The following ZNF516 variants were observed in gnomAD, a reference collection of about 807,000 sequenced individuals.
ZNF516 encodes zinc finger protein 516.
In ZNF516, 19 loss-of-function variants were observed where a neutral mutation model predicts 79.7. That is an observed-to-expected ratio of 0.24 (90% confidence interval 0.17 to 0.35). The LOEUF (loss-of-function observed/expected upper bound fraction) is 0.35. Among genes scored for constraint, ZNF516 ranks in the 10% least tolerant of loss-of-function variants. The probability of loss-of-function intolerance (pLI) is 1.00; values close to 1 mark genes in which losing one functional copy is unlikely to be tolerated. For missense variants in ZNF516, 1,678 were observed against 1,679.5 expected (o/e 1.00, Z 0.02); for synonymous variants, 877 against 739.5 (o/e 1.19, Z -3.02).
chr18:76,435,493 C>T (rs939929272), intron 3 of ZNF516, among the ~76,000 whole-genome samples: 1 of 152,214 alleles, frequency 6.6e-6, no homozygotes, highest in African/African-American at 2.4e-5. Context: ...GCCCTGTGAA[C>T]AATCACCGTC....
chr18:76,395,542 G>A (rs910701238), intron 3 of ZNF516, among the ~76,000 whole-genome samples: 4 of 152,078 alleles, frequency 2.6e-5, no homozygotes, highest in East Asian at 1.9e-4. Context: ...GAACAGTAAC[G>A]TTAAGCACAG....
At chr18:76,402,538 T>C (rs896746300) in intron 3 of ZNF516, among the ~76,000 whole-genome samples, 3 of 152,186 alleles carry the variant, frequency 2.0e-5, no homozygotes, top group Admixed American at 6.5e-5. Flanking sequence ...CCAGGCTGTC[T>C]GAGGCCCCTG....
intron 3 of ZNF516, among the ~76,000 whole-genome samples, chr18:76,396,550 T>C (rs1206867330): frequency 1.3e-5 from 2 of 152,146 alleles, no homozygotes; most frequent in Admixed American, 6.5e-5. Flanking sequence ...TCATCAACAG[T>C]GTTGCTCAGA....
intron 3 of ZNF516, among the ~76,000 whole-genome samples, chr18:76,394,756 TGGTCAGGTGGG>T: frequency 2.0e-4 from 1 of 5,070 alleles, no homozygotes; most frequent in Admixed American, 3.4e-3. Flanking sequence ...GGAGGGCAGG[TGGTCAGGTGGG>T]GGGAAGGCAG....
At chr18:76,434,272 C>T (rs998599156) in intron 3 of ZNF516, among the ~76,000 whole-genome samples, 1 of 152,142 alleles carries the variant, frequency 6.6e-6, no homozygotes, top group Non-Finnish European at 1.5e-5. Context: ...CCTGGGAGGA[C>T]CGAGCGCCAC....
chr18:76,407,024 T>A (rs2075313025), intron 3 of ZNF516, among the ~76,000 whole-genome samples: 1 of 152,190 alleles, frequency 6.6e-6, no homozygotes, highest in Non-Finnish European at 1.5e-5. Context: ...CCAGACAGAA[T>A]CCAGGTTCTC....
intron 3 of ZNF516, among the ~76,000 whole-genome samples, chr18:76,431,250 GACAC>G (rs71991368): frequency 1.5e-4 from 22 of 150,392 alleles, no homozygotes; most frequent in Non-Finnish European, 2.5e-4. Context: ...CAGAGACGAG[GACAC>G]ACACACACAC....
intron 6 of ZNF516, among the ~76,000 whole-genome samples, chr18:76,368,220 T>G (rs762458209): frequency 2.0e-5 from 3 of 152,186 alleles, no homozygotes; most frequent in Non-Finnish European, 2.9e-5. Flanking sequence ...CCCTAGGATT[T>G]AAACCTCTAC....
At chr18:76,458,722 T>TG (rs1156888901) in intron 2 of ZNF516, among the ~76,000 whole-genome samples, 1 of 138,366 alleles carries the variant, frequency 7.2e-6, no homozygotes, top group Non-Finnish European at 1.5e-5. Context: ...GTCGTGCGTG[T>TG]GCATGCCTGT....
At chr18:76,488,855 C>T (rs1555721950) in intron 1 of ZNF516, among the ~76,000 whole-genome samples, 1 of 152,164 alleles carries the variant, frequency 6.6e-6, no homozygotes, top group Non-Finnish European at 1.5e-5. Flanking sequence ...AATAGCAATG[C>T]CTTCTTCAGT....
rs190500913 is a variant in ZNF516 at position 76,485,018 on chromosome 18, T to G, written c.-272+10126A>C. Among the ~76,000 whole-genome samples, 271 of 149,914 alleles carry G rather than the reference T, an allele frequency of 1.8e-3. 3 individuals are homozygous for G. The highest frequency in any genetic ancestry group is 6.1e-3 in the African/African-American group (251 of 41,026). ...AGTTTACGTTGCTACGGCAAGCACT[T>G]TTACATTAGGAATTCACTTATTTAT... On this transcript the variant is annotated intron_variant, in intron 1 of 6. Transcript: ENST00000443185.
intron 2 of ZNF516, among the ~76,000 whole-genome samples, chr18:76,460,505 A>G (rs1913033708): frequency 6.6e-6 from 1 of 152,190 alleles, no homozygotes; most frequent in Non-Finnish European, 1.5e-5. Context: ...GCCATCACCT[A>G]TGAACCTCTA....
chr18:76,479,517 G>A (rs7237455), intron 1 of ZNF516, among the ~76,000 whole-genome samples: 4,552 of 152,274 alleles, frequency 0.03, 222 homozygotes, highest in African/African-American at 0.1. Context: ...GGGGCAGGCT[G>A]GCTTCCCCTT....
intron 3 of ZNF516, among the ~76,000 whole-genome samples, chr18:76,439,724 T>C (rs1009497061): frequency 1.3e-5 from 2 of 152,192 alleles, no homozygotes; most frequent in African/African-American, 4.8e-5. Flanking sequence ...CCCAAGAGCT[T>C]TTCCAAATAT....
At chr18:76,434,100 T>C (rs2075698938) in intron 3 of ZNF516, among the ~76,000 whole-genome samples, 1 of 147,528 alleles carries the variant, frequency 6.8e-6, no homozygotes, top group Admixed American at 6.7e-5. Flanking sequence ...GAATCAGACC[T>C]CCCTCTTTAC....
At chr18:76,389,334 G>A (rs1053308357) in intron 3 of ZNF516, 1 of 152,034 alleles carries the variant, frequency 6.6e-6, no homozygotes, top group Admixed American at 6.5e-5. Flanking sequence ...AGATTGAGGA[G>A]GGCTGGGTAA....
intron 1 of ZNF516, among the ~76,000 whole-genome samples, chr18:76,489,897 C>T (rs1915062728): frequency 1.3e-5 from 2 of 152,174 alleles, no homozygotes; most frequent in South Asian, 4.1e-4. Context: ...ACTAAACCTG[C>T]TATTTTGGTG....
chr18:76,490,603 T>G (rs1220617040), intron 1 of ZNF516: 1 of 247,190 alleles, frequency 4.0e-6, no homozygotes, highest in African/African-American at 2.3e-5. Flanking sequence ...CACCGTTGCA[T>G]CTACTCGGGT....
At chr18:76,479,941 G>GT (rs1260607720) in intron 1 of ZNF516, among the ~76,000 whole-genome samples, 1 of 152,184 alleles carries the variant, frequency 6.6e-6, no homozygotes, top group African/African-American at 2.4e-5. Flanking sequence ...TTAAAGCAAT[G>GT]TACCTTCCCC....
Sources: allele counts gnomAD v4.1 joint callset (sites outside exome capture counted in the v4.1 genomes callset), GRCh38; gene constraint gnomAD v4.1.1; transcripts MANE v1.5; gene names NCBI Gene and HGNC (gene_info 2026-07-23, HGNC 2026-07-21).